The following ANK1 variants were observed in gnomAD, a reference collection of about 807,000 sequenced individuals.
The protein encoded by ANK1 is ankyrin-1.
Under a neutral mutation model 210.4 loss-of-function variants are expected in ANK1, and 51 were observed. The ratio of observed to expected loss-of-function variants is 0.24; its 90% CI spans 0.19 to 0.31. ANK1 has a LOEUF of 0.31. Among genes scored for constraint, ANK1 ranks in the 10% least tolerant of loss-of-function variants. The probability of loss-of-function intolerance (pLI) is 1.00; values close to 1 mark genes in which losing one functional copy is unlikely to be tolerated. For synonymous variants in ANK1, 967 were observed against 1,025.9 expected (o/e 0.94, Z 1.10); for missense variants, 2,051 against 2,504.4 (o/e 0.82, Z 3.86).
chr8:41,749,607 ACTT>A (rs757474319), intron 2 of ANK1, among the ~76,000 whole-genome samples: 25 of 140,258 alleles, frequency 1.8e-4, no homozygotes, highest in African/African-American at 4.5e-4. Context: ...CTCATCTTGG[ACTT>A]CTTCTTCTTT....
chr8:41,718,950 TG>T (rs1828486876), intron 10 of ANK1, among the ~76,000 whole-genome samples: 1 of 152,202 alleles, frequency 6.6e-6, no homozygotes, highest in Admixed American at 6.5e-5. Context: ...ACGTGGCCTG[TG>T]GGCACTGCTC....
In ANK1 at chr8:41,835,984, G is replaced by A. The variant is rs561064771; in HGVS notation, c.126+60371C>T. On this transcript the variant is annotated intron_variant, in intron 1 of 42. Coordinates refer to the ANK1 transcript ENST00000265709. ...GGGCAGGGGGAGAGGCAGGGTAGCCGGAAGGACCACGGCTCAGGTCTGATC... is the reference window on the plus strand; with the variant it reads ...GGGCAGGGGGAGAGGCAGGGTAGCCAGAAGGACCACGGCTCAGGTCTGATC... Among the ~76,000 whole-genome samples, 708 of 152,304 alleles carry A rather than the reference G, an allele frequency of 4.6e-3. 2 individuals carry two copies. The highest frequency in any genetic ancestry group is 0.016 in the African/African-American group (654 of 41,574).
At chr8:41,844,751 A>G (rs1004931626) in intron 1 of ANK1, among the ~76,000 whole-genome samples, 19 of 152,206 alleles carry the variant, frequency 1.2e-4, no homozygotes, top group African/African-American at 1.9e-4. Flanking sequence ...CAGCTTATCA[A>G]TGTAAGCTGT....
In ANK1 at chr8:41,868,390, G is replaced by A. The variant is rs190252376; in HGVS notation, c.126+27965C>T. Among the ~76,000 whole-genome samples the A allele has an allele frequency of 5.8e-3, 881 of 152,254 alleles. 5 individuals are homozygous for A. The highest frequency in any genetic ancestry group is 0.027 in the South Asian group (130 of 4,816). Reference sequence around the variant, plus strand: ...GAGTTTGCCAAATGTCCCCTGGGGCGGTGGGGAAGGGCAAAACCATTCCCA... The same window carrying A: ...GAGTTTGCCAAATGTCCCCTGGGGCAGTGGGGAAGGGCAAAACCATTCCCA... On this transcript the variant is annotated intron_variant, in intron 1 of 42. Transcript: ENST00000265709.
intron 20 of ANK1, 41 bp from the exon 21 acceptor site, chr8:41,702,185 G>T: frequency 6.5e-7 from 1 of 1,549,880 alleles, no homozygotes; most frequent in Non-Finnish European, 8.9e-7. Context: ...ACAGGGGATG[G>T]AGTCTAGGAG....
rs568479052 is a variant in ANK1, at chr8:41,655,636, G to C, written c.*154C>G. The C allele has an allele frequency of 5.9e-5, 88 of 1,493,686 alleles. No individual in the cohort carries two copies. The highest frequency in any genetic ancestry group is 8.2e-5 in the Non-Finnish European group (88 of 1,073,712). 92.5% of individuals were successfully genotyped at this position (1,493,686 alleles called of 1,614,324 possible). Reference sequence around the variant, plus strand: ...GGACTAGCAGGAGTCCCTTACAGAGGTCATGCCGTCAGCCCAGAGGAATGT... The same window carrying C: ...GGACTAGCAGGAGTCCCTTACAGAGCTCATGCCGTCAGCCCAGAGGAATGT... On this transcript the variant is annotated 3_prime_UTR_variant, in exon 43 of 43. Coordinates refer to ENST00000289734, the MANE Select transcript of ANK1 (RefSeq NM_000037.4).
intron 39 of ANK1, among the ~76,000 whole-genome samples, chr8:41,667,184 G>A (rs1305000977): frequency 6.6e-6 from 1 of 152,218 alleles, no homozygotes; most frequent in African/African-American, 2.4e-5. Context: ...GCACATACTT[G>A]GCAGGGGAGC....
chr8:41,737,499 C>G lies in ANK1; in HGVS notation c.130-3430G>C, dbSNP rs146794359. On this transcript the variant is annotated intron_variant, in intron 2 of 42. Transcript: ENST00000289734. ...CTTTCTTCTCTTCCTGGGTCCCATGCCTCCCTCGCAAAGGGCAGAGAGTAA... is the reference window on the plus strand; with the variant it reads ...CTTTCTTCTCTTCCTGGGTCCCATGGCTCCCTCGCAAAGGGCAGAGAGTAA... Among the ~76,000 whole-genome samples, 98 of 152,258 alleles carry G rather than the reference C, an allele frequency of 6.4e-4. 1 individual carries two copies. Among genetic ancestry groups the G allele is most frequent in the Middle Eastern group, 3.4e-3 (1 of 294 alleles).
At chr8:41,757,848 C>T (rs1459399697) in intron 2 of ANK1, among the ~76,000 whole-genome samples, 188 bp downstream of exon 2, 2 of 152,268 alleles carry the variant, frequency 1.3e-5, no homozygotes, top group Non-Finnish European at 2.9e-5. Context: ...ATCAGCCCTT[C>T]TCTGTGGGGC....
At chr8:41,803,178 G>GGAGA (rs745467048) in intron 1 of ANK1, among the ~76,000 whole-genome samples, 3 of 149,546 alleles carry the variant, frequency 2.0e-5, no homozygotes, top group Non-Finnish European at 3.0e-5. Flanking sequence ...AGAGAGGGAG[G>GGAGA]GAGAGAGAGA....
At chr8:41,784,994 G>A (rs1480508339) in intron 1 of ANK1, among the ~76,000 whole-genome samples, 2 of 152,206 alleles carry the variant, frequency 1.3e-5, no homozygotes, top group African/African-American at 4.8e-5. Flanking sequence ...CTGGAAGAGC[G>A]ACGCTGGGCT....
chr8:41,801,481 C>T (rs1318601097), upstream of ANK1, among the ~76,000 whole-genome samples: 1 of 152,210 alleles, frequency 6.6e-6, no homozygotes, highest in Non-Finnish European at 1.5e-5. Context: ...TTTACACTGT[C>T]AACAGCAGGG....
rs144768223 is a variant in ANK1, at chr8:41,696,459, T to C, written c.2864A>G (p.Lys955Arg). The change falls in exon 26 of 43, where the codon AAG (lysine) becomes AGG (arginine). Residue 955 changes from lysine (K) to arginine (R), a missense_variant. Around this residue, in one of 6 missense-constraint regions of ANK1, gnomAD observed 1,413 missense variants for 1,707.4 expected, o/e 0.83. Coordinates refer to ENST00000289734, the MANE Select transcript of ANK1 (RefSeq NM_000037.4). ...GGGCGGCGTGCTGAGCTTCTGGGGC[T>C]TGACCAGGCGGCAGGTGATGCGGGT... is the stretch of plus-strand genomic sequence containing the variant. ...APTRITCRLV[K>R]PQKLSTPPPL... 4 of 1,613,292 alleles carry C rather than the reference T, an allele frequency of 2.5e-6. No individual in the cohort carries two copies. The highest frequency in any genetic ancestry group is 1.3e-5 in the African/African-American group (1 of 74,952).
intron 38 of ANK1, among the ~76,000 whole-genome samples, chr8:41,671,171 G>A (rs1418864902): frequency 2.6e-5 from 4 of 152,154 alleles, no homozygotes; most frequent in South Asian, 4.1e-4. Flanking sequence ...GGCACAGGGC[G>A]GGGGCTTCTC....
chr8:41,836,364 G>A (rs1330560491), intron 1 of ANK1, among the ~76,000 whole-genome samples: 1 of 152,268 alleles, frequency 6.6e-6, no homozygotes, highest in Non-Finnish European at 1.5e-5. Context: ...CCATTCTCCA[G>A]AGATTTCTTG....
chr8:41,739,199 G>T (rs1583991), intron 2 of ANK1, among the ~76,000 whole-genome samples: 16,127 of 151,684 alleles, frequency 0.11, 978 homozygotes, highest in South Asian at 0.15. Flanking sequence ...TATTTCTATT[G>T]ACTTATCCTC....
At chr8:41,719,388 C>T (rs1023873046) in intron 10 of ANK1, among the ~76,000 whole-genome samples, 1 of 152,226 alleles carries the variant, frequency 6.6e-6, no homozygotes, top group Non-Finnish European at 1.5e-5. Flanking sequence ...AGGATGCTTC[C>T]TGAGTCCGGT....
intron 5 of ANK1, 42 bp from the exon 6 acceptor site, chr8:41,725,988 G>A (rs1830600142): frequency 6.3e-7 from 1 of 1,598,426 alleles, no homozygotes; most frequent in Non-Finnish European, 8.5e-7. Flanking sequence ...CTCGTCTGAC[G>A]CCAGCCGCCC....
At chr8:41,737,923 C>A (rs1018755506) in intron 2 of ANK1, among the ~76,000 whole-genome samples, 1 of 152,216 alleles carries the variant, frequency 6.6e-6, no homozygotes, top group Non-Finnish European at 1.5e-5. Flanking sequence ...TTATGGAGAA[C>A]CTCGTCTGTG....
Sources: allele counts gnomAD v4.1 joint callset (sites outside exome capture counted in the v4.1 genomes callset), GRCh38; gene constraint gnomAD v4.1.1; regional missense constraint gnomAD v4.1.1; transcripts MANE v1.5; gene names NCBI Gene and HGNC (gene_info 2026-07-23, HGNC 2026-07-21).